Variants in ESR1 observed in about 807,000 individuals in gnomAD.
ESR1 encodes estrogen receptor 1.
ESR1 carries 12 observed loss-of-function variants against 52.7 expected under a neutral mutation model. The ratio of observed to expected loss-of-function variants is 0.23; its 90% CI spans 0.15 to 0.37. ESR1 has a LOEUF of 0.37. Among genes scored for constraint, ESR1 ranks in the 10% least tolerant of loss-of-function variants. ESR1 has a pLI of 1.00. For missense variants in ESR1, 584 were observed against 779.7 expected (o/e 0.75, Z 2.99); for synonymous variants, 305 against 316.8 (o/e 0.96, Z 0.39).
chr6:151,960,194 C>T (rs1584485196), intron 4 of ESR1, among the ~76,000 whole-genome samples: 1 of 152,198 alleles, frequency 6.6e-6, no homozygotes, highest in African/African-American at 2.4e-5. Flanking sequence ...CGGCACTTTT[C>T]ACTGGACATG....
intron 1 of ESR1, among the ~76,000 whole-genome samples, chr6:151,815,021 A>G (rs1779392575): frequency 6.6e-6 from 1 of 152,240 alleles, no homozygotes; most frequent in Admixed American, 6.5e-5. Flanking sequence ...CTCATTTCTG[A>G]ACATTCAGTG....
intron 5 of ESR1, among the ~76,000 whole-genome samples, chr6:152,031,270 A>G (rs2044674927): frequency 6.6e-6 from 1 of 152,130 alleles, no homozygotes. Context: ...CTAGCAGAAG[A>G]CAAGAAATAA....
chr6:151,775,745 CA>C (rs397954103), intron 2 of ESR1, among the ~76,000 whole-genome samples: 1,357 of 77,272 alleles, frequency 0.018, 13 homozygotes, highest in Admixed American at 0.082. Context: ...GACTCCGTCT[CA>C]AAAAAAAAAA....
At chr6:151,858,458 TG>T (rs1168863104) in intron 2 of ESR1, among the ~76,000 whole-genome samples, 1 of 152,114 alleles carries the variant, frequency 6.6e-6, no homozygotes, top group African/African-American at 2.4e-5. Flanking sequence ...TACACACATG[TG>T]AAGAGCATGC....
chr6:151,686,064 ATTTTTTT>A (rs557270210), upstream of ESR1, among the ~76,000 whole-genome samples: 384 of 114,346 alleles, frequency 3.4e-3, 2 homozygotes, highest in Non-Finnish European at 3.9e-3. Flanking sequence ...AATTAAAACA[ATTTTTTT>A]TTTTTTTTTT....
At chr6:151,909,921 T>C (rs1245593265) in intron 3 of ESR1, among the ~76,000 whole-genome samples, 1 of 152,024 alleles carries the variant, frequency 6.6e-6, no homozygotes, top group African/African-American at 2.4e-5. Flanking sequence ...GGGACTGAAC[T>C]GTAGGTGGGG....
intron 7 of ESR1, among the ~76,000 whole-genome samples, chr6:152,095,164 A>G (rs1228977191): frequency 1.3e-5 from 2 of 152,182 alleles, no homozygotes; most frequent in Non-Finnish European, 2.9e-5. Context: ...GTCCAGAGTG[A>G]TCATTCTAGA....
intron 4 of ESR1, among the ~76,000 whole-genome samples, chr6:152,004,449 G>A (rs1263874485): frequency 6.6e-6 from 1 of 151,882 alleles, no homozygotes; most frequent in Admixed American, 6.6e-5. Flanking sequence ...TTAAGGTCTT[G>A]GTAAAGGAGA....
chr6:151,833,249 A>C lies in ESR1; in HGVS notation c.453-9348A>C, dbSNP rs559397649. On this transcript the variant is annotated intron_variant, in intron 1 of 7. Coordinates refer to ENST00000206249, the MANE Select transcript of ESR1 (RefSeq NM_000125.4). ...AGGTTACAATGCGCTGAGGCTAAGG[A>C]GACTGTGTTTATCCTGTAGGCCAGT... is the stretch of plus-strand genomic sequence containing the variant. Among the ~76,000 whole-genome samples, 97 of 152,266 alleles carry C rather than the reference A, an allele frequency of 6.4e-4. 1 individual carries two copies. Among genetic ancestry groups the C allele is most frequent in the Admixed American group, 2.7e-3 (41 of 15,294 alleles).
At chr6:151,956,859 T>TAA (rs1274030772) in intron 4 of ESR1, among the ~76,000 whole-genome samples, 2 of 83,874 alleles carry the variant, frequency 2.4e-5, no homozygotes, top group African/African-American at 6.7e-5. Context: ...TATATATATA[T>TAA]ATAAATATAT....
chr6:152,118,286 T>C lies in ESR1; in HGVS notation c.851-6980T>C, dbSNP rs561736743. The C allele has an allele frequency of 5.3e-5, 8 of 152,314 alleles. No individual in the cohort carries two copies. The South Asian group carries it at 1.2e-3, about 24-fold the overall frequency. 9.4% of individuals were successfully genotyped at this position (152,314 alleles called of 1,614,324 possible). On this transcript the variant is annotated intron_variant, in intron 6 of 6. Transcript: ENST00000427531. ...AGGACATAACTGGTGCTGGGAAATA[T>C]GGATTCTTCTCTATGTCAAAGGCCC...
At chr6:151,748,348 AT>A (rs1448536898) in intron 2 of ESR1, among the ~76,000 whole-genome samples, 1 of 152,214 alleles carries the variant, frequency 6.6e-6, no homozygotes. Flanking sequence ...ATGTAGGAGT[AT>A]ACTATTTTGT....
chr6:152,076,127 A>T lies in ESR1; in HGVS notation c.1369+15003A>T, dbSNP rs192869614. 2.0e-5 allele frequency among the ~76,000 whole-genome samples: 3 copies of T among 152,318 alleles called. No individual in the cohort carries two copies. The South Asian group carries it at 6.2e-4, about 32-fold the overall frequency. Reference sequence around the variant, plus strand: ...GGCTCTGTGTCCCCACCCAAATTTCATCTTGAATTTTACTCACATAATTTC... The same window carrying T: ...GGCTCTGTGTCCCCACCCAAATTTCTTCTTGAATTTTACTCACATAATTTC... On this transcript the variant is annotated intron_variant, in intron 6 of 7. Transcript: ENST00000206249.
rs193258902 is a variant in ESR1, at chr6:151,959,680, T to A, written c.1096+15172T>A. On this transcript the variant is annotated intron_variant, in intron 4 of 7. Coordinates refer to ENST00000206249, the MANE Select transcript of ESR1 (RefSeq NM_000125.4). Reference sequence around the variant, plus strand: ...ACCCAGGAAGCCTGACACATTATTGTGGTGTCTCAATTCTTTTTTTTTTAA... The same window carrying A: ...ACCCAGGAAGCCTGACACATTATTGAGGTGTCTCAATTCTTTTTTTTTTAA... Among the ~76,000 whole-genome samples, 135 of 149,254 alleles carry A rather than the reference T, an allele frequency of 9.0e-4. 1 individual carries two copies. Among genetic ancestry groups the A allele is most frequent in the Non-Finnish European group, 1.7e-3 (113 of 67,780 alleles).
At chr6:151,892,796 C>A (rs1332454977) in intron 3 of ESR1, among the ~76,000 whole-genome samples, 3 of 152,108 alleles carry the variant, frequency 2.0e-5, no homozygotes, top group African/African-American at 7.2e-5. Context: ...TAGGTATAAA[C>A]CAACACACTT....
At chr6:151,903,366 C>T (rs867630293) in intron 3 of ESR1, among the ~76,000 whole-genome samples, 4 of 152,132 alleles carry the variant, frequency 2.6e-5, no homozygotes, top group South Asian at 2.1e-4. Flanking sequence ...AACTTGGATG[C>T]GCTGGTGTGT....
At chr6:151,933,463 T>C (rs940319633) in intron 3 of ESR1, among the ~76,000 whole-genome samples, 8 of 150,486 alleles carry the variant, frequency 5.3e-5, no homozygotes, top group African/African-American at 2.0e-4. Context: ...TCCTGCCTAA[T>C]TGCCCTGGCC....
intron 2 of ESR1, among the ~76,000 whole-genome samples, chr6:151,719,802 G>A (rs1199273757): frequency 6.6e-6 from 1 of 152,164 alleles, no homozygotes; most frequent in African/African-American, 2.4e-5. Context: ...GCAGAGAAAA[G>A]AGTTGTAAAG....
At position 151,807,718 on chromosome 6, in the gene ESR1, C is replaced by A. The variant is rs535574201; in HGVS notation, c.-195C>A. On this transcript the variant is annotated 5_prime_UTR_variant, in exon 1 of 8. Transcript: ENST00000206249. ...GGCGTTCGTCCTGGGACTGCACTTG[C>A]TCCCGTCGGGTCGCCCGGCTTCACC... The A allele has an allele frequency of 2.2e-4, 145 of 653,474 alleles. 1 individual carries two copies. In the East Asian group the frequency reaches 3.9e-3, roughly 17 times the overall value. The allele number at this position is 653,474 out of a possible 1,614,324, so 40.5% of individuals were successfully genotyped here.
Sources: gnomAD v4.1 joint callset for allele counts (sites outside exome capture counted in the v4.1 genomes callset) on GRCh38, gnomAD v4.1.1 for gene constraint, MANE v1.5 for transcripts, NCBI Gene and HGNC (gene_info 2026-07-23, HGNC 2026-07-21) for gene names.